Variants in TASP1 observed in about 807,000 individuals in gnomAD.
TASP1 encodes the protein taspase 1, also known as threonine aspartase 1.
In TASP1, 16 loss-of-function variants were observed where a neutral mutation model predicts 56.6. That is an observed-to-expected ratio of 0.28 (90% confidence interval 0.19 to 0.43). TASP1 has a LOEUF of 0.43. TASP1 is among the 20% of genes least tolerant of loss of function. The pLI is 1.00. For missense variants in TASP1, 393 were observed against 511.6 expected, an observed-to-expected ratio of 0.77 and a Z score of 2.24; for synonymous variants, 179 against 184.2, an observed-to-expected ratio of 0.97 and a Z score of 0.23.
intron 4 of TASP1, among the ~76,000 whole-genome samples, chr20:13,588,260 AGGAAGGAAGGAAGGAAG>A (rs1162592409): frequency 9.8e-6 from 1 of 101,700 alleles, no homozygotes; most frequent in African/African-American, 4.0e-5. Context: ...AAAGGAAGGA[AGGAAGGAAGGAAGGAAG>A]GAAGGAAGGA....
At chr20:13,474,789 C>T (rs1373813878) in intron 11 of TASP1, among the ~76,000 whole-genome samples, 1 of 152,102 alleles carries the variant, frequency 6.6e-6, no homozygotes, top group Non-Finnish European at 1.5e-5. Context: ...ACATCCATGC[C>T]AACATTTATT....
the TASP1 span, among the ~76,000 whole-genome samples, chr20:13,134,637 G>A: frequency 1.3e-5 from 2 of 152,118 alleles, no homozygotes; most frequent in African/African-American, 4.8e-5. Flanking sequence ...AGGAGATTCT[G>A]GTGCAGGCTC....
the TASP1 span, among the ~76,000 whole-genome samples, chr20:13,153,392 T>C: frequency 6.6e-6 from 1 of 152,196 alleles, no homozygotes; most frequent in Non-Finnish European, 1.5e-5. Context: ...TCCTTTTTTC[T>C]GGCTTGGGAA....
the TASP1 span, among the ~76,000 whole-genome samples, chr20:13,227,729 C>T: frequency 6.6e-6 from 1 of 151,682 alleles, no homozygotes; most frequent in Non-Finnish European, 1.5e-5. Flanking sequence ...AGGATGGTCT[C>T]GATCTCCTGA....
chr20:13,261,664 T>A, the TASP1 span, among the ~76,000 whole-genome samples: 21 of 152,188 alleles, frequency 1.4e-4, no homozygotes, highest in Non-Finnish European at 2.8e-4. Flanking sequence ...TTTTCAGGAT[T>A]CCAAGGTTAA....
At chr20:13,520,526 G>T (rs144432706) in intron 10 of TASP1, among the ~76,000 whole-genome samples, 1 of 152,136 alleles carries the variant, frequency 6.6e-6, no homozygotes, top group Non-Finnish European at 1.5e-5. Flanking sequence ...ATGGGGAAAC[G>T]ATTCCCTATT....
chr20:13,382,600 C>T, the TASP1 span, among the ~76,000 whole-genome samples: 59 of 152,160 alleles, frequency 3.9e-4, no homozygotes, highest in Non-Finnish European at 7.3e-5. Flanking sequence ...GAGCCATGAT[C>T]GTGCCACTGT....
At chr20:13,612,886 T>C (rs1042212043) in intron 4 of TASP1, among the ~76,000 whole-genome samples, 1 of 152,178 alleles carries the variant, frequency 6.6e-6, no homozygotes, top group African/African-American at 2.4e-5. Flanking sequence ...TTAAAATTAC[T>C]ACATCCAGGA....
chr20:13,390,294 G>C lies in TASP1; in HGVS notation c.*66C>G, dbSNP rs2041224013. The C allele has an allele frequency of 4.1e-6, 6 of 1,455,600 alleles. No homozygotes were observed. The Admixed American group carries it at 9.0e-5, about 22-fold the overall frequency. The allele number at this position is 1,455,600 out of a possible 1,614,324, so 90.2% of individuals were successfully genotyped here. ...AAGAAAGATAAAACAACCAACTTCAGTTAAAAACCCCCAAAAGCTCAGGTT... is the reference window on the plus strand; with the variant it reads ...AAGAAAGATAAAACAACCAACTTCACTTAAAAACCCCCAAAAGCTCAGGTT... On this transcript the variant is annotated 3_prime_UTR_variant, in exon 14 of 14. Coordinates refer to ENST00000337743, the MANE Select transcript of TASP1 (RefSeq NM_017714.3).
At chr20:13,450,175 A>G (rs2043564556) in intron 11 of TASP1, among the ~76,000 whole-genome samples, 1 of 152,124 alleles carries the variant, frequency 6.6e-6, no homozygotes, top group South Asian at 2.1e-4. Context: ...ATTTAAAAGT[A>G]CTTTTATTGC....
At chr20:13,320,440 A>G in the TASP1 span, among the ~76,000 whole-genome samples, 2 of 152,206 alleles carry the variant, frequency 1.3e-5, no homozygotes, top group African/African-American at 4.8e-5. Flanking sequence ...GCTGAAAACA[A>G]GAGAACCGAA....
chr20:13,600,877 G>A (rs767916341), intron 4 of TASP1, among the ~76,000 whole-genome samples: 1 of 152,048 alleles, frequency 6.6e-6, no homozygotes, highest in East Asian at 1.9e-4. Flanking sequence ...ATACTCCAAC[G>A]AGCACATCTA....
intron 8 of TASP1, among the ~76,000 whole-genome samples, chr20:13,539,508 C>T (rs1052483561): frequency 2.6e-5 from 4 of 152,242 alleles, no homozygotes; most frequent in African/African-American, 9.6e-5. Flanking sequence ...AATCGTCACA[C>T]CACTGCACTC....
the TASP1 span, among the ~76,000 whole-genome samples, chr20:13,192,201 C>T: frequency 6.6e-6 from 1 of 152,210 alleles, no homozygotes; most frequent in Non-Finnish European, 1.5e-5. Context: ...TAAAAGTTTT[C>T]GAGGCAGAAG....
intron 12 of TASP1, among the ~76,000 whole-genome samples, chr20:13,424,200 T>A (rs541289073): frequency 6.6e-6 from 1 of 152,268 alleles, no homozygotes; most frequent in African/African-American, 2.4e-5. Flanking sequence ...GTGAGTAAGT[T>A]TTATCTCACA....
At chr20:13,256,361 A>G in the TASP1 span, among the ~76,000 whole-genome samples, 1 of 143,986 alleles carries the variant, frequency 6.9e-6, no homozygotes, top group Admixed American at 7.4e-5. Flanking sequence ...GCACTATCAT[A>G]CTCCAGCCTG....
chr20:13,376,584 T>G, the TASP1 span, among the ~76,000 whole-genome samples: 1 of 152,204 alleles, frequency 6.6e-6, no homozygotes, highest in Non-Finnish European at 1.5e-5. Context: ...CATATGAAAT[T>G]TAAAATAGTT....
the TASP1 span, chr20:13,270,824 C>A: frequency 1.5e-6 from 2 of 1,346,528 alleles, 1 homozygote; most frequent in East Asian, 4.9e-5. Flanking sequence ...GAAACTGCTG[C>A]CTTACCTCAC....
chr20:13,191,337 CTAAG>C, the TASP1 span, among the ~76,000 whole-genome samples: 6 of 152,088 alleles, frequency 3.9e-5, no homozygotes, highest in African/African-American at 1.2e-4. Context: ...ATGAAACAAA[CTAAG>C]TGTCCATTAA....
Sources: allele counts gnomAD v4.1 joint callset (sites outside exome capture counted in the v4.1 genomes callset), GRCh38; gene constraint gnomAD v4.1.1; transcripts MANE v1.5; gene names NCBI Gene and HGNC (gene_info 2026-07-23, HGNC 2026-07-21).